Variants in ATP10D observed in about 807,000 individuals in gnomAD.
ATP10D encodes the protein phospholipid-transporting ATPase VD.
In ATP10D, 89 loss-of-function variants were observed where a neutral mutation model predicts 144.8. The ratio of observed to expected loss-of-function variants is 0.61; its 90% CI spans 0.52 to 0.73. The LOEUF (loss-of-function observed/expected upper bound fraction) is 0.73. ATP10D is among the 30% of genes least tolerant of loss of function. The probability of loss-of-function intolerance (pLI) is 0.00; values close to 1 mark genes in which losing one functional copy is unlikely to be tolerated. For missense variants in ATP10D, 1,603 were observed against 1,714.8 expected (o/e 0.93, Z 1.15); for synonymous variants, 571 against 615.1 (o/e 0.93, Z 1.06).
chr4:47,561,331 C>A (rs1719284716), intron 14 of ATP10D, among the ~76,000 whole-genome samples: 1 of 152,174 alleles, frequency 6.6e-6, no homozygotes, highest in Admixed American at 6.5e-5. Context: ...ACATAGACTA[C>A]AAAGCCAAGT....
In ATP10D at chr4:47,588,726, C is replaced by T. The variant is rs114593056; in HGVS notation, c.3941+1520C>T. 5.6e-3 allele frequency among the ~76,000 whole-genome samples: 854 copies of T among 152,220 alleles called. 12 individuals are homozygous for T. The highest frequency in any genetic ancestry group is 0.02 in the African/African-American group (820 of 41,534). On this transcript the variant is annotated intron_variant, in intron 22 of 22. Transcript: ENST00000273859. ...TATATATAACAATATCACTGTGAAACGAAGATACTTCTATAGTGCTCACTG... is the reference window on the plus strand; with the variant it reads ...TATATATAACAATATCACTGTGAAATGAAGATACTTCTATAGTGCTCACTG...
Position 47,516,950 on chromosome 4 carries a change from G to A in ATP10D, c.485+1280G>A, listed in dbSNP as rs111595913. Among the ~76,000 whole-genome samples the A allele has an allele frequency of 9.0e-4, 137 of 151,952 alleles. 1 individual carries two copies. Among genetic ancestry groups the A allele is most frequent in the African/African-American group, 3.2e-3 (134 of 41,360 alleles). On this transcript the variant is annotated intron_variant, in intron 3 of 22. Coordinates refer to ENST00000273859, the MANE Select transcript of ATP10D (RefSeq NM_020453.4). ...ACCAGAGATAGAGAACTAAAATATC[G>A]GTACAGTCTCTAGCCTCAAAAAATA... is the stretch of plus-strand genomic sequence containing the variant.
At position 47,590,981 on chromosome 4, in the gene ATP10D, G is replaced by C. The variant is rs112510927; in HGVS notation, c.3942-61G>C. On this transcript the variant is annotated intron_variant, in intron 22 of 22. Coordinates refer to ENST00000273859, the MANE Select transcript of ATP10D (RefSeq NM_020453.4). ...TTTTTTAATTCGTTAGTATTTGGGG[G>C]GGGGGGTTCTGTAATGCATTTGAGA... is the stretch of plus-strand genomic sequence containing the variant. The C allele has an allele frequency of 6.4e-6, 7 of 1,095,164 alleles. No homozygotes were observed. The South Asian group carries it at 1.3e-4, about 20-fold the overall frequency. The allele number at this position is 1,095,164 out of a possible 1,614,324, so 67.8% of individuals were successfully genotyped here.
chr4:47,500,535 G>C (rs764557411), intron 1 of ATP10D, among the ~76,000 whole-genome samples: 1 of 152,228 alleles, frequency 6.6e-6, no homozygotes, highest in Non-Finnish European at 1.5e-5. Flanking sequence ...GGACTGACAT[G>C]ATGTGAGTTG....
rs1233865444 is a variant in ATP10D, at chr4:47,554,879, G to A, written c.1789G>A (p.Val597Ile). 6.2e-7 allele frequency: 1 copy of A among 1,614,106 alleles called. No homozygotes were observed. Among genetic ancestry groups the A allele is most frequent in the South Asian group, 1.1e-5 (1 of 91,070 alleles). ...FFIALAICNT[V>I]VVSAPNQPRQ... ...CATTGCATTGGCAATTTGCAACACA[G>A]TAGTGGTTTCTGCTCCTAACCAACC... is the stretch of plus-strand genomic sequence containing the variant. Residue 597 changes from valine to isoleucine, a missense_variant, in exon 11 of 23, where the codon GTA (valine) becomes ATA (isoleucine). Transcript: ENST00000273859.
At chr4:47,534,786 T>G (rs184674254) in intron 5 of ATP10D, among the ~76,000 whole-genome samples, 1 of 152,302 alleles carries the variant, frequency 6.6e-6, no homozygotes, top group Admixed American at 6.5e-5. Context: ...TGGAATATTT[T>G]TTTATAGTAA....
intron 1 of ATP10D, among the ~76,000 whole-genome samples, chr4:47,511,540 T>G (rs1041428007): frequency 3.9e-5 from 6 of 152,226 alleles, no homozygotes. Context: ...CATTTTGTTT[T>G]GATTAACAAA....
intron 1 of ATP10D, among the ~76,000 whole-genome samples, chr4:47,495,872 G>A (rs974092696): frequency 6.6e-6 from 1 of 151,942 alleles, no homozygotes; most frequent in Non-Finnish European, 1.5e-5. Context: ...CCAGCAGCTG[G>A]GATTACCGGC....
In ATP10D at chr4:47,536,454, A is replaced by G; in HGVS notation, c.1033A>G (p.Ser345Gly). Residue 345 changes from serine to glycine, a missense_variant, in exon 8 of 23, where the codon AGC (serine) becomes GGC (glycine). Coordinates refer to ENST00000273859, the MANE Select transcript of ATP10D (RefSeq NM_020453.4). ...TTTGAAAGGTCATGGAATCTGGCTG[A>G]GCAGGTATGAAAAGATGCATTTTTT... Reference protein sequence around the residue: ...TGAVGHGIWLSRYEKMHFFNV... With the variant: ...TGAVGHGIWLGRYEKMHFFNV... 6.2e-7 allele frequency: 1 copy of G among 1,613,594 alleles called. No homozygotes were observed. The highest frequency in any genetic ancestry group is 8.5e-7 in the Non-Finnish European group (1 of 1,179,660).
chr4:47,531,071 A>C (rs901751238), intron 5 of ATP10D, among the ~76,000 whole-genome samples: 4 of 145,746 alleles, frequency 2.7e-5, no homozygotes, highest in African/African-American at 1.0e-4. Context: ...AGTTTCCGTA[A>C]GATGGGTATC....
In ATP10D at chr4:47,502,672, AATAT is replaced by A. The variant is rs561431809; in HGVS notation, c.-37-9827_-37-9824del. Among the ~76,000 whole-genome samples, 37 of 148,414 alleles carry A rather than the reference AATAT, an allele frequency of 2.5e-4. 1 individual carries two copies. In the South Asian group the frequency reaches 7.5e-3, roughly 30 times the overall value. On this transcript the variant is annotated intron_variant, in intron 1 of 22. Coordinates refer to ENST00000273859, the MANE Select transcript of ATP10D (RefSeq NM_020453.4). ...GTATGTATGTAATATTACACATATA[AATAT>A]ATATTAAATATACATATATGTATGT...
intron 10 of ATP10D, among the ~76,000 whole-genome samples, chr4:47,547,796 G>T (rs1718519685): frequency 6.6e-6 from 1 of 152,098 alleles, no homozygotes; most frequent in South Asian, 2.1e-4. Flanking sequence ...CCAGGATCCT[G>T]GCTCTTCTCA....
At chr4:47,584,517 C>G (rs571577076) in intron 21 of ATP10D, among the ~76,000 whole-genome samples, 1 of 152,070 alleles carries the variant, frequency 6.6e-6, no homozygotes, top group Non-Finnish European at 1.5e-5. Context: ...CTCAGCCTCC[C>G]GAGTAGCTGG....
intron 5 of ATP10D, among the ~76,000 whole-genome samples, chr4:47,526,703 AT>A (rs542598463): frequency 1.9e-3 from 290 of 152,322 alleles, no homozygotes; most frequent in Non-Finnish European, 3.2e-3. Flanking sequence ...ACAAAAATCG[AT>A]TGTATTTTAA....
At position 47,558,146 on chromosome 4, in the gene ATP10D, C is replaced by A. The variant is rs11729411; in HGVS notation, c.2307C>A (p.Ile769=). 0.21 allele frequency: 346,903 copies of A among 1,613,956 alleles called. 38,002 individuals carry two copies. The highest frequency in any genetic ancestry group is 0.28 in the Middle Eastern group (1,695 of 6,062). Residue 769 remains isoleucine (I), a synonymous_variant, in exon 12 of 23, where the codon ATC becomes ATA. Coordinates refer to ENST00000273859, the MANE Select transcript of ATP10D (RefSeq NM_020453.4). ...LGPLTFQLLH[I]LPFDSVRKRM... ...CATTAACATTTCAACTCCTACACATCCTGCCCTTTGACTCAGTAAGAAAAA... is the reference window on the plus strand; with the variant it reads ...CATTAACATTTCAACTCCTACACATACTGCCCTTTGACTCAGTAAGAAAAA...
At chr4:47,527,040 C>T (rs1481960553) in intron 5 of ATP10D, among the ~76,000 whole-genome samples, 69 of 152,204 alleles carry the variant, frequency 4.5e-4, no homozygotes, top group East Asian at 1.9e-4. Flanking sequence ...GCTAAAACCA[C>T]ATGATTGCAA....
chr4:47,572,086 G>T, intron 16 of ATP10D, 68 bp from the exon 17 acceptor site: 2 of 1,415,250 alleles, frequency 1.4e-6, no homozygotes, highest in Non-Finnish European at 2.0e-6. Flanking sequence ...TGCCCCTATT[G>T]ATTTGCAACA....
chr4:47,536,337 C>T, intron 7 of ATP10D, 100 bp from the exon 8 acceptor site: 1 of 1,445,914 alleles, frequency 6.9e-7, no homozygotes, highest in Non-Finnish European at 9.4e-7. Context: ...TGATGTCCAA[C>T]CAAAATGAAT....
At chr4:47,582,213 T>C (rs1170315754) in intron 21 of ATP10D, 149 bp downstream of exon 21, 16 of 667,742 alleles carry the variant, frequency 2.4e-5, no homozygotes, top group Non-Finnish European at 3.9e-5. Context: ...TGGGTGATCA[T>C]TGAATGCCAT....
Sources: gnomAD v4.1 joint callset for allele counts (sites outside exome capture counted in the v4.1 genomes callset) on GRCh38, gnomAD v4.1.1 for gene constraint, MANE v1.5 for transcripts, NCBI Gene and HGNC (gene_info 2026-07-23, HGNC 2026-07-21) for gene names.